Variants in LRBA observed in about 807,000 individuals in gnomAD.
The protein encoded by LRBA is lipopolysaccharide-responsive and beige-like anchor protein.
A neutral mutation model predicts 330.0 loss-of-function variants in LRBA; 176 were observed. The observed-to-expected ratio is 0.53, with a 90% confidence interval of 0.47 to 0.60. The LOEUF is 0.60. Among genes scored for constraint, LRBA ranks in the 20% least tolerant of loss-of-function variants. The pLI, the probability that LRBA is intolerant of heterozygous loss-of-function variation, is 0.00. For synonymous variants in LRBA, 1,230 were observed against 1,193.0 expected (o/e 1.03, Z -0.64); for missense variants, 3,259 against 3,444.8 (o/e 0.95, Z 1.35).
At chr4:150,582,922 G>A in intron 40 of LRBA, 1 of 1,319,722 alleles carries the variant, frequency 7.6e-7, no homozygotes, top group Non-Finnish European at 1.0e-6. Context: ...GCTTAACGGG[G>A]AGCGCACCGC....
At chr4:150,598,135 C>G (rs532779560) in intron 38 of LRBA, among the ~76,000 whole-genome samples, 1 of 152,176 alleles carries the variant, frequency 6.6e-6, no homozygotes, top group Admixed American at 6.5e-5. Context: ...TAATCACAAG[C>G]TCCTGCATGT....
chr4:150,476,221 T>C (rs755622970), intron 42 of LRBA, among the ~76,000 whole-genome samples: 1 of 152,178 alleles, frequency 6.6e-6, no homozygotes, highest in Non-Finnish European at 1.5e-5. Context: ...ATTTCAGATA[T>C]GGGTGTTTAA....
chr4:150,951,235 G>A (rs985768854), intron 2 of LRBA, among the ~76,000 whole-genome samples: 2 of 151,842 alleles, frequency 1.3e-5, no homozygotes, highest in South Asian at 4.1e-4. Context: ...AGAAAATCCC[G>A]GATTAATTCC....
At chr4:150,833,803 T>C (rs540131743) in intron 28 of LRBA, among the ~76,000 whole-genome samples, 1 of 152,058 alleles carries the variant, frequency 6.6e-6, no homozygotes, top group African/African-American at 2.4e-5. Flanking sequence ...TCACAAAAGA[T>C]TTTTCTGTAG....
chr4:150,652,652 ACAAT>A (rs373716224), intron 37 of LRBA, among the ~76,000 whole-genome samples: 32 of 152,300 alleles, frequency 2.1e-4, no homozygotes, highest in African/African-American at 6.5e-4. Flanking sequence ...ATTTCAGCAC[ACAAT>A]CAATATAAAA....
At chr4:150,402,323 A>G (rs1182239241) in intron 47 of LRBA, among the ~76,000 whole-genome samples, 1 of 151,998 alleles carries the variant, frequency 6.6e-6, no homozygotes, top group African/African-American at 2.4e-5. Context: ...TGCTACAAAC[A>G]TTTTATTTTT....
chr4:150,830,086 G>C (rs928236479), intron 29 of LRBA, among the ~76,000 whole-genome samples: 1 of 152,116 alleles, frequency 6.6e-6, no homozygotes, highest in Admixed American at 6.5e-5. Flanking sequence ...CTGGATTACT[G>C]ATTACTGCAA....
intron 42 of LRBA, among the ~76,000 whole-genome samples, chr4:150,486,990 G>A (rs1299382331): frequency 6.6e-6 from 1 of 151,754 alleles, no homozygotes; most frequent in African/African-American, 2.4e-5. Flanking sequence ...AGACTGAGTA[G>A]CATTCCATTG....
intron 40 of LRBA, among the ~76,000 whole-genome samples, chr4:150,508,292 G>GT (rs112056063): frequency 0.23 from 31,282 of 133,806 alleles, 4,325 homozygotes; most frequent in Non-Finnish European, 0.32. Flanking sequence ...GTTTTGTTTT[G>GT]TTTTTTTTGA....
chr4:150,680,044 T>G (rs773883300), intron 37 of LRBA, among the ~76,000 whole-genome samples: 10 of 152,196 alleles, frequency 6.6e-5, no homozygotes, highest in African/African-American at 9.7e-5. Context: ...AAAGATGATT[T>G]GTCTCCTGAC....
rs1758883408 is a variant in LRBA, at chr4:150,491,078, T to C, written c.6331-43A>G. ...AATCCCAGGTAAGTAACAATACTTG[T>C]TTTTTGTTGTTGTTTCTTTCCCCAA... On this transcript the variant is annotated intron_variant, in intron 40 of 56. Transcript: ENST00000651943. The C allele has an allele frequency of 4.4e-6, 4 of 917,870 alleles. No homozygotes were observed. The South Asian group carries it at 8.9e-5, about 20-fold the overall frequency. The allele number at this position is 917,870 out of a possible 1,614,324, so 56.9% of individuals were successfully genotyped here.
chr4:150,400,373 T>C (rs1437217249), intron 47 of LRBA, among the ~76,000 whole-genome samples: 1 of 152,188 alleles, frequency 6.6e-6, no homozygotes, highest in African/African-American at 2.4e-5. Context: ...ACAAGTGATC[T>C]GCTGCTGAGA....
intron 36 of LRBA, among the ~76,000 whole-genome samples, chr4:150,730,499 A>G (rs991311090): frequency 1.3e-5 from 2 of 152,028 alleles, no homozygotes; most frequent in African/African-American, 4.8e-5. Context: ...CCTGGCCAAC[A>G]TGGTAAAATC....
chr4:150,458,988 T>C (rs1484312547), intron 44 of LRBA, among the ~76,000 whole-genome samples: 1 of 151,970 alleles, frequency 6.6e-6, no homozygotes, highest in Non-Finnish European at 1.5e-5. Flanking sequence ...TAAGTAGTGA[T>C]GTGAACTGGT....
At chr4:150,840,103 G>A (rs1430849884) in intron 28 of LRBA, among the ~76,000 whole-genome samples, 1 of 152,196 alleles carries the variant, frequency 6.6e-6, no homozygotes, top group Non-Finnish European at 1.5e-5. Flanking sequence ...GAATTGAAGA[G>A]CGTTGGAGCC....
intron 47 of LRBA, among the ~76,000 whole-genome samples, chr4:150,383,892 A>G (rs1742661788): frequency 6.6e-6 from 1 of 152,178 alleles, no homozygotes; most frequent in African/African-American, 2.4e-5. Flanking sequence ...CCAGGTGGTG[A>G]AAAAGGGGAG....
At chr4:150,817,337 A>G in intron 30 of LRBA, 80 bp from the exon 31 acceptor site, 7 of 1,275,550 alleles carry the variant, frequency 5.5e-6, no homozygotes, top group South Asian at 1.3e-5. Context: ...AACAGAAACT[A>G]GGTAGCTAAC....
chr4:150,374,753 C>T (rs1254889934), intron 47 of LRBA, among the ~76,000 whole-genome samples: 1 of 152,074 alleles, frequency 6.6e-6, no homozygotes, highest in Non-Finnish European at 1.5e-5. Context: ...TACTTCTGGT[C>T]CCAAGCATTT....
At chr4:150,837,909 T>C (rs1399008881) in intron 28 of LRBA, among the ~76,000 whole-genome samples, 3 of 152,238 alleles carry the variant, frequency 2.0e-5, no homozygotes, top group Admixed American at 1.3e-4. Context: ...CAATTTGGCA[T>C]GTTTTTGCAG....
Sources: allele counts gnomAD v4.1 joint callset (sites outside exome capture counted in the v4.1 genomes callset), GRCh38; gene constraint gnomAD v4.1.1; transcripts MANE v1.5; gene names NCBI Gene and HGNC (gene_info 2026-07-23, HGNC 2026-07-21).